The following MDGA2 variants were observed in gnomAD, a reference collection of about 807,000 sequenced individuals.
The protein encoded by MDGA2 is MAM domain containing glycosylphosphatidylinositol anchor 2.
Under a neutral mutation model 117.8 loss-of-function variants are expected in MDGA2, and 40 were observed. That is an observed-to-expected ratio of 0.34 (90% confidence interval 0.26 to 0.44). MDGA2 has a LOEUF of 0.44. Ranked by LOEUF, MDGA2 falls within the 20% of genes least tolerant of loss-of-function variation. The probability of loss-of-function intolerance (pLI) is 1.00; values close to 1 mark genes in which losing one functional copy is unlikely to be tolerated. For missense variants in MDGA2, 1,123 were observed against 1,250.6 expected (o/e 0.90, Z 1.54); for synonymous variants, 452 against 439.0 (o/e 1.03, Z -0.37).
chr14:47,446,877 A>G (rs1219797682), intron 1 of MDGA2, among the ~76,000 whole-genome samples: 4 of 152,202 alleles, frequency 2.6e-5, no homozygotes, highest in Non-Finnish European at 4.4e-5. Context: ...TATTTATTTC[A>G]GCCCCCCTCT....
At chr14:46,856,750 T>C (rs1236725359) in intron 14 of MDGA2, among the ~76,000 whole-genome samples, 3 of 152,100 alleles carry the variant, frequency 2.0e-5, no homozygotes, top group Non-Finnish European at 4.4e-5. Context: ...CCCTCTCTCC[T>C]TCCATTCCTT....
intron 1 of MDGA2, among the ~76,000 whole-genome samples, chr14:47,378,596 C>G (rs1052307690): frequency 6.6e-6 from 1 of 151,938 alleles, no homozygotes; most frequent in Admixed American, 6.6e-5. Flanking sequence ...CCGATTCGAT[C>G]AAGTGGAAGA....
intron 1 of MDGA2, among the ~76,000 whole-genome samples, chr14:47,474,044 T>A (rs1293061293): frequency 1.3e-5 from 2 of 152,156 alleles, no homozygotes; most frequent in Non-Finnish European, 2.9e-5. Context: ...TCAAATTATA[T>A]TTGTTTGCAG....
intron 1 of MDGA2, among the ~76,000 whole-genome samples, chr14:47,367,939 T>C (rs558323605): frequency 6.6e-6 from 1 of 152,256 alleles, no homozygotes; most frequent in African/African-American, 2.4e-5. Context: ...TATTTTTCCC[T>C]AAAAATATCA....
At chr14:47,383,730 G>A (rs1891689078) in intron 1 of MDGA2, among the ~76,000 whole-genome samples, 1 of 151,960 alleles carries the variant, frequency 6.6e-6, no homozygotes, top group South Asian at 2.1e-4. Context: ...TCACAATGTT[G>A]GCCAGGCTGG....
intron 1 of MDGA2, among the ~76,000 whole-genome samples, chr14:47,342,272 AT>A (rs1566746761): frequency 2.8e-5 from 4 of 142,500 alleles, no homozygotes; most frequent in African/African-American, 7.5e-5. Flanking sequence ...ATATATATAT[AT>A]ATATATATAA....
intron 8 of MDGA2, among the ~76,000 whole-genome samples, chr14:47,015,321 TA>T (rs5808372): frequency 0.5 from 72,179 of 145,110 alleles, 18,015 homozygotes; most frequent in East Asian, 0.76. Flanking sequence ...CACATGCTGT[TA>T]AAAAAAAAAA....
intron 2 of MDGA2, among the ~76,000 whole-genome samples, chr14:47,222,749 A>G (rs1886347448): frequency 6.6e-6 from 1 of 152,208 alleles, no homozygotes; most frequent in Non-Finnish European, 1.5e-5. Flanking sequence ...TGCTATTGAA[A>G]CTTAGTTCAA....
chr14:47,450,647 A>T (rs1893222218), intron 1 of MDGA2, among the ~76,000 whole-genome samples: 1 of 152,108 alleles, frequency 6.6e-6, no homozygotes, highest in South Asian at 2.1e-4. Flanking sequence ...AACTGACTAC[A>T]ATGTGATGCA....
chr14:47,045,530 G>A (rs141387691), intron 7 of MDGA2, among the ~76,000 whole-genome samples: 6 of 151,078 alleles, frequency 4.0e-5, no homozygotes, highest in African/African-American at 1.5e-4. Flanking sequence ...TTTTTTTTCT[G>A]AAACAACTAA....
At chr14:47,588,658 T>G (rs1896378679) in intron 1 of MDGA2, among the ~76,000 whole-genome samples, 1 of 152,050 alleles carries the variant, frequency 6.6e-6, no homozygotes, top group East Asian at 1.9e-4. Flanking sequence ...TTTCAAATAT[T>G]TGCTCCCATT....
rs539244872 is a variant in MDGA2, at chr14:47,451,435, G to C, written c.281-149885C>G. On this transcript the variant is annotated intron_variant, in intron 1 of 16. Coordinates refer to ENST00000399232, the MANE Select transcript of MDGA2 (RefSeq NM_001113498.3). ...ACTAAAATGGACTCTGAGAAACCTA[G>C]ATTTCCCTGTCTTTGGAAGCCACAC... is the stretch of plus-strand genomic sequence containing the variant. Among the ~76,000 whole-genome samples, 11 of 152,148 alleles carry C rather than the reference G, an allele frequency of 7.2e-5. No individual in the cohort carries two copies. In the South Asian group the frequency reaches 1.2e-3, roughly 17 times the overall value.
At chr14:46,947,921 A>G (rs904523443) in intron 9 of MDGA2, among the ~76,000 whole-genome samples, 2 of 151,862 alleles carry the variant, frequency 1.3e-5, no homozygotes, top group Non-Finnish European at 2.9e-5. Flanking sequence ...TTTCCTGCTA[A>G]GCAGATACTT....
intron 1 of MDGA2, among the ~76,000 whole-genome samples, chr14:47,613,199 G>A (rs932445486): frequency 6.6e-6 from 1 of 152,012 alleles, no homozygotes; most frequent in Non-Finnish European, 1.5e-5. Context: ...TAATTTCCCT[G>A]TGGCCACTCA....
chr14:47,293,118 G>A (rs1888945210), intron 2 of MDGA2, among the ~76,000 whole-genome samples: 2 of 152,146 alleles, frequency 1.3e-5, no homozygotes. Flanking sequence ...AGATGCCAGT[G>A]TCCATCTGAC....
intron 1 of MDGA2, among the ~76,000 whole-genome samples, chr14:47,328,948 T>A (rs561531312): frequency 6.6e-6 from 1 of 152,286 alleles, no homozygotes; most frequent in Non-Finnish European, 1.5e-5. Context: ...GTGGATACAG[T>A]AAATAGAGCA....
intron 1 of MDGA2, among the ~76,000 whole-genome samples, chr14:47,558,102 AG>A (rs1211518045): frequency 6.6e-6 from 1 of 152,212 alleles, no homozygotes; most frequent in East Asian, 1.9e-4. Context: ...GGAGTGTGGC[AG>A]GAAGAAGGTA....
intron 1 of MDGA2, among the ~76,000 whole-genome samples, chr14:47,664,657 TA>T (rs1167894715): frequency 6.6e-6 from 1 of 152,180 alleles, no homozygotes; most frequent in Non-Finnish European, 1.5e-5. Context: ...TGCACTGTAA[TA>T]AAAAACAATA....
chr14:47,258,544 G>A (rs1269560768), intron 2 of MDGA2, among the ~76,000 whole-genome samples: 1 of 152,018 alleles, frequency 6.6e-6, no homozygotes, highest in African/African-American at 2.4e-5. Context: ...ATATTCGACA[G>A]GAGATTTGGA....
Sources: allele counts gnomAD v4.1 joint callset (sites outside exome capture counted in the v4.1 genomes callset), GRCh38; gene constraint gnomAD v4.1.1; transcripts MANE v1.5; gene names NCBI Gene and HGNC (gene_info 2026-07-23, HGNC 2026-07-21).